The following ARHGAP6 variants were observed in gnomAD, a reference collection of about 807,000 sequenced individuals.
ARHGAP6 encodes Rho GTPase activating protein 6.
Under a neutral mutation model 55.7 loss-of-function variants are expected in ARHGAP6, and 16 were observed. The ratio of observed to expected loss-of-function variants is 0.29; its 90% confidence interval spans 0.19 to 0.44. ARHGAP6 has a LOEUF of 0.44. ARHGAP6 is among the 20% of genes least tolerant of loss of function. The pLI is 1.00. For synonymous variants in ARHGAP6, 382 were observed against 360.9 expected (o/e 1.06, Z -0.66); for missense variants, 698 against 808.9 (o/e 0.86, Z 1.66).
At chrX:11,246,736 CATT>C (rs1226175511) in intron 2 of ARHGAP6, among the ~76,000 whole-genome samples, 2 of 111,892 alleles carry the variant, frequency 1.8e-5, no homozygotes, top group South Asian at 3.8e-4. Flanking sequence ...ACAGTGGTCT[CATT>C]ATTCCGTGAT....
intron 8 of ARHGAP6, among the ~76,000 whole-genome samples, chrX:11,172,985 G>A (rs1042333077): frequency 3.6e-5 from 4 of 111,475 alleles, no homozygotes; most frequent in African/African-American, 1.3e-4. Context: ...CAGGCTAGGG[G>A]CTTTCCACTG....
intron 8 of ARHGAP6, among the ~76,000 whole-genome samples, chrX:11,172,509 T>A (rs1055022418): frequency 6.3e-5 from 7 of 110,562 alleles, no homozygotes; most frequent in South Asian, 3.8e-4. Flanking sequence ...TCTCATTTTT[T>A]AAAAAAAACA....
intron 1 of ARHGAP6, among the ~76,000 whole-genome samples, chrX:11,650,296 A>T (rs1030956472): frequency 3.6e-5 from 4 of 111,799 alleles, no homozygotes; most frequent in Non-Finnish European, 7.5e-5. Flanking sequence ...CACCTGGCCC[A>T]ATCATTCAAC....
intron 1 of ARHGAP6, among the ~76,000 whole-genome samples, chrX:11,441,783 G>T (rs2050041575): frequency 9.1e-6 from 1 of 110,157 alleles, no homozygotes; most frequent in Admixed American, 9.6e-5. Flanking sequence ...TGCTACACGA[G>T]ACCTGGGAGG....
intron 1 of ARHGAP6, among the ~76,000 whole-genome samples, chrX:11,478,715 G>A (rs775761226): frequency 2.7e-5 from 3 of 112,155 alleles, no homozygotes; most frequent in Admixed American, 9.4e-5. Context: ...TTTGAAGCCA[G>A]AAAGATTGGG....
intron 1 of ARHGAP6, among the ~76,000 whole-genome samples, chrX:11,558,097 A>G (rs1257533738): frequency 8.9e-6 from 1 of 112,239 alleles, no homozygotes; most frequent in Admixed American, 9.5e-5. Context: ...TGCCAAAATT[A>G]AAATCCAAGC....
rs187870402 is a variant in ARHGAP6, at chrX:11,448,347, C to A, written c.589-193640G>T. On this transcript the variant is annotated intron_variant, in intron 1 of 12. Coordinates refer to ENST00000337414, the MANE Select transcript of ARHGAP6 (RefSeq NM_013427.3). ...CGTTGTCTCAGACCATACCACCATACCCTCCTTCCTCAAGTTGGATGGTAA... is the reference window on the plus strand; with the variant it reads ...CGTTGTCTCAGACCATACCACCATAACCTCCTTCCTCAAGTTGGATGGTAA... 3.6e-3 allele frequency among the ~76,000 whole-genome samples: 399 copies of A among 111,868 alleles called. 2 individuals are homozygous for A. Among genetic ancestry groups the A allele is most frequent in the African/African-American group, 0.011 (354 of 30,809 alleles).
At chrX:11,187,783 C>A (rs777610814) in intron 4 of ARHGAP6, among the ~76,000 whole-genome samples, 1 of 112,062 alleles carries the variant, frequency 8.9e-6, no homozygotes, top group Non-Finnish European at 1.9e-5. Flanking sequence ...TGGCGGCTCA[C>A]GCCTGTGATC....
At chrX:11,641,122 C>T (rs2052470602) in intron 1 of ARHGAP6, among the ~76,000 whole-genome samples, 1 of 110,631 alleles carries the variant, frequency 9.0e-6, no homozygotes, top group Admixed American at 9.7e-5. Context: ...ACCAGTGGTC[C>T]TTAGTTATCT....
intron 1 of ARHGAP6, among the ~76,000 whole-genome samples, chrX:11,255,820 G>A (rs1044180457): frequency 8.9e-6 from 1 of 111,980 alleles, no homozygotes; most frequent in East Asian, 2.8e-4. Context: ...GCAGGCCACT[G>A]AGGGTAAATG....
At chrX:11,611,041 T>G (rs749380483) in intron 1 of ARHGAP6, among the ~76,000 whole-genome samples, 17 of 112,945 alleles carry the variant, frequency 1.5e-4, no homozygotes, top group Non-Finnish European at 3.2e-4. Flanking sequence ...ATTTTATGGA[T>G]GTACCATATT....
At chrX:11,504,596 A>C (rs767848837) in intron 1 of ARHGAP6, among the ~76,000 whole-genome samples, 7 of 112,466 alleles carry the variant, frequency 6.2e-5, no homozygotes, top group Admixed American at 1.9e-4. Flanking sequence ...AGATGCAATG[A>C]AAATTATTGA....
chrX:11,487,610 A>G (rs1603229162), intron 1 of ARHGAP6, among the ~76,000 whole-genome samples: 1 of 112,471 alleles, frequency 8.9e-6, no homozygotes, highest in East Asian at 2.8e-4. Context: ...ATATTTTACT[A>G]AAACAATTAT....
chrX:11,424,271 A>T (rs2049856500), intron 1 of ARHGAP6, among the ~76,000 whole-genome samples: 3 of 112,456 alleles, frequency 2.7e-5, no homozygotes, highest in Non-Finnish European at 3.8e-5. Flanking sequence ...CTGAGCTTAG[A>T]TTTCTTCAAT....
In ARHGAP6 at chrX:11,139,201, C is replaced by A; in HGVS notation, c.2587G>T (p.Ala863Ser). The change falls in exon 13 of 13, where the codon GCC (alanine) becomes TCC (serine). Residue 863 changes from alanine (A) to serine (S), a missense_variant. This residue lies in a region of ARHGAP6 where 212 missense variants were observed against 208.7 expected (regional missense o/e 1.02). Coordinates refer to ENST00000337414, the MANE Select transcript of ARHGAP6 (RefSeq NM_013427.3). ...TGGGGTCTTTGGCACTGAGGTGTGG[C>A]CCGGCTCTGCAGCCCGGCCACATCC... ...ELDVAGLQSR[A>S]TPQCQRPHGS... 1 of 1,203,351 alleles carries A rather than the reference C, an allele frequency of 8.3e-7. No homozygotes were observed.
intron 1 of ARHGAP6, among the ~76,000 whole-genome samples, chrX:11,591,462 G>A (rs1000663927): frequency 2.3e-4 from 25 of 109,530 alleles, no homozygotes; most frequent in Non-Finnish European, 4.8e-4. Flanking sequence ...ATTCCAAAAA[G>A]TAGAAACAAC....
intron 1 of ARHGAP6, among the ~76,000 whole-genome samples, chrX:11,408,958 C>T (rs2147762313): frequency 9.1e-6 from 1 of 110,238 alleles, no homozygotes; most frequent in Non-Finnish European, 1.9e-5. Context: ...CCAACCCTCA[C>T]ACTGCTTAAC....
At chrX:11,587,631 A>G (rs755097864) in intron 1 of ARHGAP6, among the ~76,000 whole-genome samples, 8 of 112,194 alleles carry the variant, frequency 7.1e-5, no homozygotes, top group Non-Finnish European at 1.5e-4. Context: ...AAACAGGAAA[A>G]GAATCTGAGA....
Position 11,216,734 on chromosome X carries a change from C to T in ARHGAP6, c.749-19738G>A, listed in dbSNP as rs142420061. ...GTAACTTTTTTCTTTTTTTATTATA[C>T]TTTAAGTTATATGGGATACATGTGC... On this transcript the variant is annotated intron_variant, in intron 2 of 12. Coordinates refer to ENST00000337414, the MANE Select transcript of ARHGAP6 (RefSeq NM_013427.3). 8.2e-3 allele frequency among the ~76,000 whole-genome samples: 911 copies of T among 111,136 alleles called. 1 individual carries two copies. The highest frequency in any genetic ancestry group is 0.013 in the Non-Finnish European group (681 of 52,974).
Sources: allele counts gnomAD v4.1 joint callset (sites outside exome capture counted in the v4.1 genomes callset), GRCh38; gene constraint gnomAD v4.1.1; regional missense constraint gnomAD v4.1.1; transcripts MANE v1.5; gene names NCBI Gene and HGNC (gene_info 2026-07-23, HGNC 2026-07-21).